The following USP37 variants were observed in gnomAD, a reference collection of about 807,000 sequenced individuals.
USP37 encodes the protein ubiquitin specific peptidase 37, also known as ubiquitin carboxyl-terminal hydrolase 37.
Under a neutral mutation model 124.0 loss-of-function variants are expected in USP37, and 27 were observed. The observed-to-expected ratio is 0.22, with a 90% CI of 0.16 to 0.30. USP37 has a LOEUF of 0.30. Among genes scored for constraint, USP37 ranks in the 10% least tolerant of loss-of-function variants. The probability of loss-of-function intolerance (pLI) is 1.00; values close to 1 mark genes in which losing one functional copy is unlikely to be tolerated. For synonymous variants in USP37, 365 were observed against 388.0 expected, an observed-to-expected ratio of 0.94 and a Z score of 0.70; for missense variants, 889 against 1,140.4, an observed-to-expected ratio of 0.78 and a Z score of 3.17.
intron 10 of USP37, among the ~76,000 whole-genome samples, chr2:218,520,131 T>G (rs1440615196): frequency 6.6e-6 from 1 of 151,720 alleles, no homozygotes; most frequent in East Asian, 1.9e-4. Context: ...AAAGACGAGG[T>G]TTCACCATGT....
rs59185616 is a variant in USP37 at position 218,556,515 on chromosome 2, T to G, written c.156+1983A>C. 2.6e-3 allele frequency among the ~76,000 whole-genome samples: 350 copies of G among 133,742 alleles called. 4 individuals are homozygous for G. Among genetic ancestry groups the G allele is most frequent in the African/African-American group, 9.4e-3 (327 of 34,822 alleles). The allele number at this position is 133,742 out of a possible 152,430, so 87.7% of individuals were successfully genotyped here. A position where few individuals can be genotyped will look rare whatever the true frequency, so the allele number is the denominator to read the frequency against. The stretch of plus-strand genomic sequence containing the variant: ...TCTGGGTTTTTCTGTTTTTTTTTTT[T>G]TTTTTTTTTTTTTTTGAGATGGAGT... On this transcript the variant is annotated intron_variant, in intron 4 of 25. Coordinates refer to ENST00000258399, the MANE Select transcript of USP37 (RefSeq NM_020935.3).
chr2:218,476,408 T>C (rs1188287743), intron 19 of USP37, among the ~76,000 whole-genome samples: 1 of 152,032 alleles, frequency 6.6e-6, no homozygotes, highest in Non-Finnish European at 1.5e-5. Context: ...ACCTTGTCTC[T>C]ACAAAAAATT....
chr2:218,494,123 C>T (rs973232658), intron 14 of USP37, among the ~76,000 whole-genome samples: 3 of 152,166 alleles, frequency 2.0e-5, no homozygotes, highest in African/African-American at 7.2e-5. Context: ...GGGGAAAAGT[C>T]TGATGAAGTC....
At chr2:218,488,464 A>G in intron 14 of USP37, 43 bp from the exon 15 acceptor site, 1 of 1,299,970 alleles carries the variant, frequency 7.7e-7, no homozygotes, top group Non-Finnish European at 1.1e-6. Flanking sequence ...AGACCAATAC[A>G]CAAGAAACAC....
At chr2:218,475,022 C>T in intron 19 of USP37, 137 bp from the exon 20 acceptor site, 1 of 768,560 alleles carries the variant, frequency 1.3e-6, no homozygotes. Context: ...AATCAATAAC[C>T]AATATATAAA....
intron 23 of USP37, 132 bp downstream of exon 23, chr2:218,459,658 G>A: frequency 3.3e-6 from 2 of 605,108 alleles, no homozygotes; most frequent in Non-Finnish European, 2.9e-6. Context: ...AAGAGAAAAT[G>A]AGACCATCTA....
At chr2:218,484,831 A>G (rs1443229904) in intron 16 of USP37, among the ~76,000 whole-genome samples, 2 of 152,230 alleles carry the variant, frequency 1.3e-5, no homozygotes, top group Non-Finnish European at 2.9e-5. Context: ...AATGTTAATA[A>G]CAACCTTGGT....
At chr2:218,455,244 A>G (rs1689631120) in intron 25 of USP37, among the ~76,000 whole-genome samples, 1 of 152,212 alleles carries the variant, frequency 6.6e-6, no homozygotes, top group Non-Finnish European at 1.5e-5. Flanking sequence ...TGAACATGCT[A>G]GGTAATTCCC....
chr2:218,544,914 G>T (rs1692238780), intron 8 of USP37, among the ~76,000 whole-genome samples: 1 of 152,116 alleles, frequency 6.6e-6, no homozygotes, highest in East Asian at 1.9e-4. Flanking sequence ...ATGCCTTTTA[G>T]TTTTTAGGTA....
chr2:218,523,233 A>G (rs991412010), intron 10 of USP37, among the ~76,000 whole-genome samples: 1 of 152,106 alleles, frequency 6.6e-6, no homozygotes, highest in South Asian at 2.1e-4. Context: ...ACTGCACTCT[A>G]GCCTGTGGGG....
intron 19 of USP37, among the ~76,000 whole-genome samples, chr2:218,475,659 G>C (rs1214260905): frequency 6.6e-6 from 1 of 152,204 alleles, no homozygotes; most frequent in Non-Finnish European, 1.5e-5. Context: ...GAACCTGGGA[G>C]GTGGAGGATG....
At chr2:218,457,037 G>T in intron 24 of USP37, 55 bp downstream of exon 24, 2 of 1,534,610 alleles carry the variant, frequency 1.3e-6, no homozygotes, top group African/African-American at 1.4e-5. Context: ...ATATAATAAA[G>T]AGCAAATGCT....
chr2:218,519,705 T>C (rs1179720257), intron 10 of USP37, among the ~76,000 whole-genome samples: 1 of 151,828 alleles, frequency 6.6e-6, no homozygotes, highest in Non-Finnish European at 1.5e-5. Context: ...TGGCGGGATC[T>C]TGGCTACTCG....
intron 3 of USP37, 148 bp from the exon 4 acceptor site, chr2:218,558,825 T>C (rs1693165268): frequency 3.8e-6 from 2 of 522,056 alleles, no homozygotes; most frequent in African/African-American, 1.9e-5. Flanking sequence ...TGTCCAGTAC[T>C]GTATTTATTA....
rs1693152744 is a variant in USP37 at position 218,558,568 on chromosome 2, A to G, written c.86T>C (p.Ile29Thr). ...ITKWKEGSFE[I>T]VEKENKVSLV... Reference sequence around the variant, plus strand: ...GCTGACTTTATTCTCTTTTTCTACAATTTCAAAGGATCCTTCTTTCCACTT... The same window carrying G: ...GCTGACTTTATTCTCTTTTTCTACAGTTTCAAAGGATCCTTCTTTCCACTT... Residue 29 changes from isoleucine to threonine, a missense_variant, in exon 4 of 26, where the codon ATT becomes ACT. Around this residue, in one of 3 missense-constraint regions of USP37, gnomAD observed 374 missense variants for 386.0 expected, o/e 0.97. Transcript: ENST00000258399. The G allele has an allele frequency of 2.5e-6, 4 of 1,613,490 alleles. No individual in the cohort carries two copies. The Admixed American group carries it at 5.0e-5, about 20-fold the overall frequency.
At chr2:218,546,193 C>T (rs1166513999) in intron 8 of USP37, 28 bp downstream of exon 8, 1 of 1,560,310 alleles carries the variant, frequency 6.4e-7, no homozygotes, top group African/African-American at 1.4e-5. Context: ...ACTGCTCTAA[C>T]ACTATAAAGG....
intron 18 of USP37, among the ~76,000 whole-genome samples, chr2:218,479,262 A>C (rs779883373): frequency 9.9e-5 from 15 of 152,198 alleles, no homozygotes; most frequent in South Asian, 2.1e-4. Context: ...CAGGTAAAAA[A>C]TGTTTTGGGA....
Position 218,473,969 on chromosome 2 carries a change from G to A in USP37, c.2299+661C>T, listed in dbSNP as rs773006705. On this transcript the variant is annotated intron_variant, in intron 20 of 25. Transcript: ENST00000258399. ...AACCTGTAAAGCATGTTACTGTACT[G>A]AGTACTGTAGGCAACTGTAACACAA... is the stretch of plus-strand genomic sequence containing the variant. Among the ~76,000 whole-genome samples, 52 of 152,170 alleles carry A rather than the reference G, an allele frequency of 3.4e-4. 1 individual carries two copies. The highest frequency in any genetic ancestry group is 2.5e-4 in the Non-Finnish European group (17 of 68,036).
intron 10 of USP37, among the ~76,000 whole-genome samples, chr2:218,520,774 C>T (rs1289928237): frequency 6.6e-6 from 1 of 152,202 alleles, no homozygotes; most frequent in East Asian, 1.9e-4. Flanking sequence ...TAAGAGTGCT[C>T]TCCTGACTCC....
Sources: allele counts gnomAD v4.1 joint callset (sites outside exome capture counted in the v4.1 genomes callset), GRCh38; gene constraint gnomAD v4.1.1; regional missense constraint gnomAD v4.1.1; transcripts MANE v1.5; gene names NCBI Gene and HGNC (gene_info 2026-07-23, HGNC 2026-07-21).